CXXC5: variants seen among roughly 807,000 people sequenced by gnomAD.
CXXC5 encodes the protein CXXC-type zinc finger protein 5.
In CXXC5, 2 loss-of-function variants were observed where a neutral mutation model predicts 17.6. That is an observed-to-expected ratio of 0.11 (90% CI 0.05 to 0.36). CXXC5 has a LOEUF of 0.36. Among genes scored for constraint, CXXC5 ranks in the 10% least tolerant of loss-of-function variants. CXXC5 has a pLI of 1.00. For synonymous variants in CXXC5, 171 were observed against 193.0 expected (o/e 0.89, Z 0.94); for missense variants, 343 against 458.3 (o/e 0.75, Z 2.30).
intron 1 of CXXC5, among the ~76,000 whole-genome samples, chr5:139,652,167 C>CGTGCGT (rs1469942183): frequency 7.0e-6 from 1 of 141,898 alleles, no homozygotes; most frequent in African/African-American, 2.7e-5. Context: ...CGCGCGCGCG[C>CGTGCGT]GCGCGTGTGT....
At position 139,661,431 on chromosome 5, in the gene CXXC5, T is replaced by A. The variant is rs527889193; in HGVS notation, c.-161+12586T>A. Among the ~76,000 whole-genome samples, 10 of 152,240 alleles carry A rather than the reference T, an allele frequency of 6.6e-5. No homozygotes were observed. The highest frequency in any genetic ancestry group is 2.4e-4 in the African/African-American group (10 of 41,542). The stretch of plus-strand genomic sequence containing the variant: ...ACTCAGCACACCCAGCCGACACGCG[T>A]GGTACAGACTCGGTCACATGCACCA... On this transcript the variant is annotated intron_variant, in intron 1 of 2. Coordinates refer to ENST00000302517, the MANE Select transcript of CXXC5 (RefSeq NM_016463.9). The surrounding 1 kb of genome is among the most constrained non-coding windows in gnomAD (Gnocchi z 4.7).
chr5:139,662,180 C>T (rs1755856872), intron 1 of CXXC5, among the ~76,000 whole-genome samples: 2 of 152,200 alleles, frequency 1.3e-5, no homozygotes, highest in Non-Finnish European at 2.9e-5. Flanking sequence ...CACACACCTG[C>T]TTCTCCCTGT....
intron 1 of CXXC5, among the ~76,000 whole-genome samples, chr5:139,672,514 C>G (rs1280961081): frequency 6.6e-6 from 1 of 152,226 alleles, no homozygotes; most frequent in Admixed American, 6.5e-5. Flanking sequence ...ACGGTTCAGT[C>G]TCAGCCCTGC....
At chr5:139,669,229 C>T (rs1017671336) in intron 1 of CXXC5, among the ~76,000 whole-genome samples, 2 of 152,224 alleles carry the variant, frequency 1.3e-5, no homozygotes, top group African/African-American at 4.8e-5. Context: ...CCGCTCTAAG[C>T]GTGAGCTCAC....
chr5:139,660,608 C>T lies in CXXC5; in HGVS notation c.-161+11763C>T, dbSNP rs1330804867. On this transcript the variant is annotated intron_variant, in intron 1 of 2. Transcript: ENST00000302517. ...CAGAGCTGAGTAATGCTTGGTTTTTCGTAGCTTGAGAGCCCAGAGAGGGGG... is the reference window on the plus strand; with the variant it reads ...CAGAGCTGAGTAATGCTTGGTTTTTTGTAGCTTGAGAGCCCAGAGAGGGGG... 3.9e-5 allele frequency among the ~76,000 whole-genome samples: 6 copies of T among 152,180 alleles called. No homozygotes were observed. In the East Asian group the frequency reaches 5.8e-4, roughly 15 times the overall value.
At chr5:139,682,023 G>A (rs1757263991) in intron 2 of CXXC5, among the ~76,000 whole-genome samples, 1 of 152,192 alleles carries the variant, frequency 6.6e-6, no homozygotes, top group Non-Finnish European at 1.5e-5. Context: ...TGGGGCTGGG[G>A]TAAGGGGAGG....
In CXXC5 at chr5:139,669,735, C is replaced by T. The variant is rs923782503; in HGVS notation, c.-160-10629C>T. On this transcript the variant is annotated intron_variant, in intron 1 of 2. Transcript: ENST00000302517. Reference sequence around the variant, plus strand: ...TCCCTTCTACACACACACTCAGCCCCACAGCCAAGCTACACACACACACAC... The same window carrying T: ...TCCCTTCTACACACACACTCAGCCCTACAGCCAAGCTACACACACACACAC... Among the ~76,000 whole-genome samples the T allele has an allele frequency of 2.6e-5, 4 of 152,264 alleles. No homozygotes were observed. In the East Asian group the frequency reaches 7.7e-4, roughly 29 times the overall value.
intron 1 of CXXC5, among the ~76,000 whole-genome samples, chr5:139,674,049 G>T (rs566524900): frequency 2.6e-5 from 4 of 152,206 alleles, no homozygotes; most frequent in African/African-American, 9.6e-5. Context: ...TGGGGTTGAG[G>T]CCATGTCTCA....
At chr5:139,657,769 G>T (rs1422231273) in intron 1 of CXXC5, among the ~76,000 whole-genome samples, 2 of 152,212 alleles carry the variant, frequency 1.3e-5, no homozygotes, top group Non-Finnish European at 2.9e-5. Context: ...GGCCTGGGAG[G>T]TGAGGGGACT....
chr5:139,653,802 ATTC>A (rs1203478120), intron 1 of CXXC5, among the ~76,000 whole-genome samples: 2 of 151,902 alleles, frequency 1.3e-5, no homozygotes, highest in South Asian at 2.1e-4. Flanking sequence ...TAGATCGCAA[ATTC>A]TTCTTCATTT....
chr5:139,666,393 A>G (rs1756115993), intron 1 of CXXC5, among the ~76,000 whole-genome samples: 1 of 152,124 alleles, frequency 6.6e-6, no homozygotes, highest in Non-Finnish European at 1.5e-5. Context: ...CCCATGCCCC[A>G]GGGGTCTCAG....
At chr5:139,681,479 TC>T (rs756859628) in intron 2 of CXXC5, 32 bp downstream of exon 2, 10 of 1,529,428 alleles carry the variant, frequency 6.5e-6, no homozygotes, top group Non-Finnish European at 8.8e-6. Context: ...GTGTGTGGGC[TC>T]TTGTGTCTGT....
intron 1 of CXXC5, among the ~76,000 whole-genome samples, chr5:139,650,620 G>A (rs1755118498): frequency 6.6e-6 from 1 of 152,228 alleles, no homozygotes; most frequent in Non-Finnish European, 1.5e-5. Flanking sequence ...GCCCCAGGCC[G>A]CGGGGTGGGG....
In CXXC5 at chr5:139,657,696, A is replaced by G. The variant is rs1369523835; in HGVS notation, c.-161+8851A>G. Among the ~76,000 whole-genome samples, 3 of 152,142 alleles carry G rather than the reference A, an allele frequency of 2.0e-5. No individual in the cohort carries two copies. The East Asian group carries it at 5.8e-4, about 29-fold the overall frequency. The stretch of plus-strand genomic sequence containing the variant: ...CTTCTTTGAGGACCACAATTTTTCC[A>G]TCTGTCAGATGGGCTTGGGAGCCTT... On this transcript the variant is annotated intron_variant, in intron 1 of 2. Transcript: ENST00000302517.
At chr5:139,652,171 C>CGCGT (rs1491556663) in intron 1 of CXXC5, among the ~76,000 whole-genome samples, 1 of 114,960 alleles carries the variant, frequency 8.7e-6, no homozygotes. Context: ...CGCGCGCGCG[C>CGCGT]GTGTGTGTGT....
chr5:139,682,301 G>T, intron 2 of CXXC5, among the ~76,000 whole-genome samples: 1 of 150,576 alleles, frequency 6.6e-6, no homozygotes, highest in Non-Finnish European at 1.5e-5. Context: ...TCCCAGCCAT[G>T]GCCTCCTGGT....
At chr5:139,662,298 G>A (rs1241214282) in intron 1 of CXXC5, among the ~76,000 whole-genome samples, 2 of 152,146 alleles carry the variant, frequency 1.3e-5, no homozygotes, top group Non-Finnish European at 2.9e-5. Flanking sequence ...GCTGGCTTAT[G>A]TATAAGGAAG....
rs1561531713 is a variant in CXXC5, at chr5:139,652,178, GTGTGTGTGTGTGTGTGTGGCTGTGTA to G, written c.-161+3344_-161+3369del. Among the ~76,000 whole-genome samples, 4 of 151,174 alleles carry G rather than the reference GTGTGTGTGTGTGTGTGTGGCTGTGTA, an allele frequency of 2.6e-5. No individual in the cohort carries two copies. The East Asian group carries it at 7.9e-4, about 30-fold the overall frequency. The stretch of plus-strand genomic sequence containing the variant: ...CGCGCGCGCGCGCGCGCGCGTGTGT[GTGTGTGTGTGTGTGTGTGGCTGTGTA>G]TGTGTGTGTGAAGTGTCCTTGATTA... On this transcript the variant is annotated intron_variant, in intron 1 of 2. Coordinates refer to ENST00000302517, the MANE Select transcript of CXXC5 (RefSeq NM_016463.9).
At chr5:139,671,514 G>A (rs1196294606) in intron 1 of CXXC5, among the ~76,000 whole-genome samples, 4 of 152,228 alleles carry the variant, frequency 2.6e-5, no homozygotes, top group Admixed American at 6.5e-5. Flanking sequence ...CGCGGGTGGC[G>A]GGTTGGGGCA....
Sources: gnomAD v4.1 joint callset for allele counts (sites outside exome capture counted in the v4.1 genomes callset) on GRCh38, gnomAD v4.1.1 for gene constraint, Gnocchi (gnomAD v3.1) non-coding constraint, MANE v1.5 for transcripts, NCBI Gene and HGNC (gene_info 2026-07-23, HGNC 2026-07-21) for gene names.